The following FHIT variants were observed in gnomAD, a reference collection of about 807,000 sequenced individuals.
FHIT encodes fragile histidine triad diadenosine triphosphatase.
Under a neutral mutation model 17.9 loss-of-function variants are expected in FHIT, and 19 were observed. The observed-to-expected ratio is 1.06, with a 90% CI of 0.74 to 1.56. FHIT has a LOEUF of 1.56. Ranked by LOEUF, FHIT falls within the 40% of genes most tolerant of loss-of-function variation. FHIT has a pLI of 0.00. For missense variants in FHIT, 248 were observed against 189.2 expected (o/e 1.31, Z -1.82); for synonymous variants, 81 against 69.7 (o/e 1.16, Z -0.81).
chr3:59,982,742 T>C (rs75255034), intron 7 of FHIT, among the ~76,000 whole-genome samples: 14,352 of 152,182 alleles, frequency 0.094, 932 homozygotes, highest in South Asian at 0.18. Context: ...ATCATGTTTA[T>C]TAGGTACCAA....
intron 5 of FHIT, among the ~76,000 whole-genome samples, chr3:60,350,981 A>G (rs1174911633): frequency 6.6e-6 from 1 of 152,168 alleles, no homozygotes; most frequent in Non-Finnish European, 1.5e-5. Context: ...AAGTCTGTCA[A>G]CAACCTGAGG....
rs190002673 is a variant in FHIT, at chr3:60,217,988, T to C, written c.104-203836A>G. Among the ~76,000 whole-genome samples the C allele has an allele frequency of 6.0e-3, 912 of 152,326 alleles. 3 individuals are homozygous for C. Among genetic ancestry groups the C allele is most frequent in the Non-Finnish European group, 9.9e-3 (671 of 68,034 alleles). The stretch of plus-strand genomic sequence containing the variant: ...TTTGCAAAACTATAAAGCAATGCCA[T>C]TCTCAATTTTTGGTTTTGAAAAATT... On this transcript the variant is annotated intron_variant, in intron 5 of 9. Transcript: ENST00000492590.
At chr3:59,864,647 T>C (rs1702554895) in intron 8 of FHIT, among the ~76,000 whole-genome samples, 1 of 151,674 alleles carries the variant, frequency 6.6e-6, no homozygotes, top group Non-Finnish European at 1.5e-5. Flanking sequence ...TTAACACGAC[T>C]TGCAGTTTCT....
intron 8 of FHIT, 82 bp downstream of exon 8, chr3:59,922,264 G>A: frequency 8.6e-7 from 1 of 1,162,210 alleles, no homozygotes; most frequent in East Asian, 2.3e-5. Flanking sequence ...CATATCTAGG[G>A]TAATACTTGA....
At chr3:61,146,392 T>C (rs1180119681) in intron 2 of FHIT, among the ~76,000 whole-genome samples, 1 of 152,040 alleles carries the variant, frequency 6.6e-6, no homozygotes, top group African/African-American at 2.4e-5. Flanking sequence ...GTGCACAATA[T>C]GGTTATTAGA....
chr3:61,205,036 T>G (rs1369856348), intron 1 of FHIT, among the ~76,000 whole-genome samples: 6 of 147,332 alleles, frequency 4.1e-5, no homozygotes, highest in African/African-American at 7.5e-5. Flanking sequence ...GTGTTCTCAT[T>G]GTTCAATTCC....
At chr3:60,426,906 AT>A (rs1182342504) in intron 5 of FHIT, among the ~76,000 whole-genome samples, 1 of 152,118 alleles carries the variant, frequency 6.6e-6, no homozygotes, top group Non-Finnish European at 1.5e-5. Flanking sequence ...AACCCATATA[AT>A]TCCTCCCTCT....
intron 4 of FHIT, among the ~76,000 whole-genome samples, chr3:60,556,287 A>C (rs1240194731): frequency 6.6e-6 from 1 of 152,236 alleles, no homozygotes; most frequent in African/African-American, 2.4e-5. Flanking sequence ...CACCAAAGAC[A>C]GACCCAGATG....
chr3:61,079,273 C>G (rs2035060106), intron 2 of FHIT, among the ~76,000 whole-genome samples: 1 of 152,118 alleles, frequency 6.6e-6, no homozygotes, highest in South Asian at 2.1e-4. Flanking sequence ...TACTAAATAA[C>G]TAATAGTATA....
chr3:60,220,974 A>G (rs1391107912), intron 5 of FHIT, among the ~76,000 whole-genome samples: 3 of 152,176 alleles, frequency 2.0e-5, no homozygotes, highest in African/African-American at 4.8e-5. Flanking sequence ...AGCATGTGTC[A>G]TTATGGCTCC....
chr3:60,077,692 A>ACCCCCC (rs1337065981), intron 5 of FHIT, among the ~76,000 whole-genome samples: 1 of 95,272 alleles, frequency 1.0e-5, no homozygotes, highest in African/African-American at 5.0e-5. Context: ...TACTTCACAC[A>ACCCCCC]CACACACACA....
At chr3:59,785,448 T>A (rs139119159) in intron 8 of FHIT, among the ~76,000 whole-genome samples, 46 of 152,186 alleles carry the variant, frequency 3.0e-4, no homozygotes, top group Non-Finnish European at 5.6e-4. Context: ...TAGCTGGGTT[T>A]ACAGGCGTGC....
At chr3:60,582,262 T>C (rs1169965650) in intron 4 of FHIT, among the ~76,000 whole-genome samples, 1 of 152,046 alleles carries the variant, frequency 6.6e-6, no homozygotes, top group Non-Finnish European at 1.5e-5. Flanking sequence ...GGCATACCTG[T>C]CCCATGTGGG....
intron 1 of FHIT, among the ~76,000 whole-genome samples, chr3:61,211,801 A>C (rs1379460303): frequency 6.6e-6 from 1 of 152,152 alleles, no homozygotes. Flanking sequence ...TACTCCTCTG[A>C]GACAAAACTT....
intron 1 of FHIT, among the ~76,000 whole-genome samples, chr3:61,212,610 T>C (rs188296686): frequency 1.3e-5 from 2 of 152,136 alleles, no homozygotes; most frequent in African/African-American, 2.4e-5. Flanking sequence ...TTCCCCAATC[T>C]AGCAAGGCAG....
intron 8 of FHIT, among the ~76,000 whole-genome samples, chr3:59,848,471 T>C (rs1223996685): frequency 6.6e-6 from 1 of 152,188 alleles, no homozygotes; most frequent in East Asian, 1.9e-4. Flanking sequence ...AATAGCTCTT[T>C]GGGGATTTTT....
chr3:60,521,935 T>A (rs2035383738), intron 5 of FHIT, among the ~76,000 whole-genome samples: 1 of 151,988 alleles, frequency 6.6e-6, no homozygotes, highest in Admixed American at 6.6e-5. Flanking sequence ...TTTCCATGGT[T>A]TGAGTTTTGT....
At chr3:60,234,633 G>A (rs372215684) in intron 5 of FHIT, among the ~76,000 whole-genome samples, 2 of 152,262 alleles carry the variant, frequency 1.3e-5, no homozygotes, top group African/African-American at 4.8e-5. Context: ...AGCATAATAA[G>A]CAAGTTTTGA....
At chr3:61,035,394 A>C (rs758589244) in intron 3 of FHIT, among the ~76,000 whole-genome samples, 13 of 152,172 alleles carry the variant, frequency 8.5e-5, no homozygotes, top group Admixed American at 2.6e-4. Context: ...AACTATTTCT[A>C]GTCCTCACTT....
Sources: allele counts gnomAD v4.1 joint callset (sites outside exome capture counted in the v4.1 genomes callset), GRCh38; gene constraint gnomAD v4.1.1; transcripts MANE v1.5; gene names NCBI Gene and HGNC (gene_info 2026-07-23, HGNC 2026-07-21).